SAMD3: variants seen among roughly 807,000 people sequenced by gnomAD.
SAMD3 encodes sterile alpha motif domain-containing protein 3.
SAMD3 carries 63 observed loss-of-function variants against 58.5 expected under a neutral mutation model. The observed-to-expected ratio is 1.08, with a 90% CI of 0.88 to 1.33. The LOEUF (loss-of-function observed/expected upper bound fraction) is 1.33. Ranked by LOEUF, SAMD3 falls within the 40% of genes most tolerant of loss-of-function variation. The pLI is 0.00. For synonymous variants in SAMD3, 220 were observed against 210.3 expected (o/e 1.05, Z -0.40); for missense variants, 604 against 608.4 (o/e 0.99, Z 0.08).
intron 2 of SAMD3, among the ~76,000 whole-genome samples, chr6:130,311,483 T>G (rs1776159455): frequency 2.0e-5 from 3 of 152,258 alleles, no homozygotes; most frequent in Admixed American, 6.5e-5. Flanking sequence ...GGGGGAAATT[T>G]TACAGGCGTG....
chr6:130,226,110 T>G (rs117542480), upstream of SAMD3, among the ~76,000 whole-genome samples: 2 of 152,228 alleles, frequency 1.3e-5, no homozygotes, highest in Non-Finnish European at 2.9e-5. Context: ...TTAGTGAAGC[T>G]GTCATTCTAC....
chr6:130,279,193 T>C lies in SAMD3; in HGVS notation c.-188+33785A>G, dbSNP rs1379275778. On this transcript the variant is annotated intron_variant, in intron 2 of 13. Transcript: ENST00000368134. ...TTCCTGTTCCTGGTACTCCACCAGATATGGTTTGGCTGTGTCCCCCACTAA... is the reference window on the plus strand; with the variant it reads ...TTCCTGTTCCTGGTACTCCACCAGACATGGTTTGGCTGTGTCCCCCACTAA... Among the ~76,000 whole-genome samples the C allele has an allele frequency of 3.3e-5, 5 of 152,306 alleles. No homozygotes were observed. The East Asian group carries it at 7.7e-4, about 23-fold the overall frequency.
At chr6:130,334,858 G>T (rs568423796) in intron 1 of SAMD3, among the ~76,000 whole-genome samples, 3 of 152,186 alleles carry the variant, frequency 2.0e-5, no homozygotes, top group Non-Finnish European at 2.9e-5. Flanking sequence ...GAGAAATGCA[G>T]GGAGATGTGA....
rs568378352 is a variant in SAMD3 at position 130,207,734 on chromosome 6, C to A, written c.383+1761G>T. Among the ~76,000 whole-genome samples the A allele has an allele frequency of 5.9e-5, 9 of 152,322 alleles. 1 individual carries two copies. The highest frequency in any genetic ancestry group is 2.2e-4 in the African/African-American group (9 of 41,574). ...ACCAAGGCAATGGATTTTGCACCTA[C>A]GACATAGCCTTCCACCTTCTTGGTT... is the stretch of plus-strand genomic sequence containing the variant. On this transcript the variant is annotated intron_variant, in intron 5 of 11. Transcript: ENST00000439090.
At chr6:130,335,152 A>T (rs1321666428) in intron 1 of SAMD3, among the ~76,000 whole-genome samples, 1 of 152,188 alleles carries the variant, frequency 6.6e-6, no homozygotes, top group African/African-American at 2.4e-5. Context: ...CAGGCAGTCA[A>T]TTAGCAGATT....
At chr6:130,199,683 G>A (rs533308276) in intron 5 of SAMD3, among the ~76,000 whole-genome samples, 21 of 152,262 alleles carry the variant, frequency 1.4e-4, no homozygotes, top group African/African-American at 4.6e-4. Context: ...ATAGAGACAC[G>A]TGCCAATGAA....
In SAMD3 at chr6:130,144,318, A is replaced by G. The variant is rs1487019524; in HGVS notation, c.*202T>C. 1 of 554,262 alleles carries G rather than the reference A, an allele frequency of 1.8e-6. No individual in the cohort carries two copies. The highest frequency in any genetic ancestry group is 4.8e-4 in the Middle Eastern group (1 of 2,092). 34.3% of individuals were successfully genotyped at this position (554,262 alleles called of 1,614,324 possible). On this transcript the variant is annotated 3_prime_UTR_variant, in exon 12 of 12. Transcript: ENST00000439090. ...ACTCAAAATAAATCGACAGCTCTTT[A>G]ATGAAGTAGAATTTTATTACAGAAT...
chr6:130,229,356 G>A (rs1285133960), intron 2 of SAMD3, among the ~76,000 whole-genome samples: 1 of 152,192 alleles, frequency 6.6e-6, no homozygotes, highest in Non-Finnish European at 1.5e-5. Context: ...TAGACTTCAT[G>A]ACACAGCCCT....
chr6:130,229,677 T>C (rs1024994499), intron 2 of SAMD3, among the ~76,000 whole-genome samples: 71 of 152,308 alleles, frequency 4.7e-4, no homozygotes, highest in African/African-American at 1.6e-3. Flanking sequence ...AGGAATAAAA[T>C]TGATTACAGA....
intron 2 of SAMD3, among the ~76,000 whole-genome samples, chr6:130,270,412 C>T (rs562874135): frequency 2.0e-5 from 3 of 152,150 alleles, no homozygotes; most frequent in Non-Finnish European, 2.9e-5. Flanking sequence ...TAGTAGTCCA[C>T]ATGAAACTAT....
intron 1 of SAMD3, among the ~76,000 whole-genome samples, chr6:130,314,571 T>C (rs184643862): frequency 2.8e-4 from 42 of 152,346 alleles, no homozygotes; most frequent in African/African-American, 9.6e-4. Context: ...ATTCCTCTTA[T>C]TGATGAGAGA....
chr6:130,180,222 G>C (rs1792159152), intron 7 of SAMD3, among the ~76,000 whole-genome samples: 1 of 151,286 alleles, frequency 6.6e-6, no homozygotes, highest in African/African-American at 2.4e-5. Flanking sequence ...CTGGGCTCTA[G>C]TGGTCCTCCC....
At chr6:130,258,298 G>A (rs192094616) in intron 2 of SAMD3, among the ~76,000 whole-genome samples, 1 of 152,056 alleles carries the variant, frequency 6.6e-6, no homozygotes, top group Admixed American at 6.5e-5. Flanking sequence ...TTCTTGTAGA[G>A]AGCACATGGT....
intron 7 of SAMD3, among the ~76,000 whole-genome samples, chr6:130,178,731 A>G (rs1431708462): frequency 1.3e-5 from 2 of 152,226 alleles, no homozygotes; most frequent in Non-Finnish European, 2.9e-5. Context: ...GATCTGTCCT[A>G]TCAACTGCAC....
chr6:130,298,923 G>A (rs1380014866), intron 2 of SAMD3, among the ~76,000 whole-genome samples: 1 of 151,794 alleles, frequency 6.6e-6, no homozygotes, highest in African/African-American at 2.4e-5. Flanking sequence ...ATTCAACACT[G>A]CGTATGCACT....
chr6:130,146,987 GAAAA>G (rs933827960), intron 9 of SAMD3, among the ~76,000 whole-genome samples: 3 of 152,020 alleles, frequency 2.0e-5, no homozygotes, highest in Non-Finnish European at 4.4e-5. Flanking sequence ...AGAAAAGAAA[GAAAA>G]AGAAACAATG....
At chr6:130,174,524 G>C (rs1208212248) in intron 8 of SAMD3, among the ~76,000 whole-genome samples, 2 of 152,102 alleles carry the variant, frequency 1.3e-5, no homozygotes, top group African/African-American at 4.8e-5. Context: ...AGATGAAGTG[G>C]GTACCTCAGT....
intron 1 of SAMD3, among the ~76,000 whole-genome samples, chr6:130,364,686 C>T (rs1451576276): frequency 6.6e-6 from 1 of 151,850 alleles, no homozygotes; most frequent in African/African-American, 2.4e-5. Context: ...ACCGTAACTC[C>T]TTTAGTTTTC....
chr6:130,182,715 C>A (rs1417912735), intron 7 of SAMD3, among the ~76,000 whole-genome samples: 1 of 152,044 alleles, frequency 6.6e-6, no homozygotes, highest in East Asian at 1.9e-4. Flanking sequence ...CTTAAAATGT[C>A]TTTATATTCA....
Sources: gnomAD v4.1 joint callset for allele counts (sites outside exome capture counted in the v4.1 genomes callset) on GRCh38, gnomAD v4.1.1 for gene constraint, MANE v1.5 for transcripts, NCBI Gene and HGNC (gene_info 2026-07-23, HGNC 2026-07-21) for gene names.